The following C1QTNF1 variants were observed in gnomAD, a reference collection of about 807,000 sequenced individuals.
The protein encoded by C1QTNF1 is complement C1q tumor necrosis factor-related protein 1.
Under a neutral mutation model 27.8 loss-of-function variants are expected in C1QTNF1, and 22 were observed. That is an observed-to-expected ratio of 0.79 (90% CI 0.56 to 1.13). The LOEUF (loss-of-function observed/expected upper bound fraction) is 1.13. Among genes scored for constraint, C1QTNF1 ranks in the 50% most tolerant of loss-of-function variants. The pLI is 0.00. For synonymous variants in C1QTNF1, 166 were observed against 154.3 expected, an observed-to-expected ratio of 1.08 and a Z score of -0.56; for missense variants, 373 against 380.2, an observed-to-expected ratio of 0.98 and a Z score of 0.16.
rs1295838764 is a variant in C1QTNF1, at chr17:79,046,931, G to C, written c.295+237G>C. The C allele has an allele frequency of 1.6e-5, 9 of 566,574 alleles. No homozygotes were observed. The highest frequency in any genetic ancestry group is 1.6e-4 in the Admixed American group (5 of 31,596). The allele number at this position is 566,574 out of a possible 1,614,324, so 35.1% of individuals were successfully genotyped here. ...GGGGCCCACAGGACCAAGAGCAGGA[G>C]AGGGAGCCCAGAGGCTACTCGGGGT... On this transcript the variant is annotated intron_variant, in intron 3 of 3. Transcript: ENST00000579760. This position sits in a 1 kb window ranked among gnomAD's most constrained non-coding sequence, Gnocchi z 4.8.
At chr17:79,029,977 G>T (rs1318878520) in intron 1 of C1QTNF1, among the ~76,000 whole-genome samples, 1 of 152,184 alleles carries the variant, frequency 6.6e-6, no homozygotes, top group African/African-American at 2.4e-5. Context: ...ATGAGCAAAA[G>T]AGCGTGAGAC....
chr17:79,045,708 G>A (rs1477727827), intron 2 of C1QTNF1, among the ~76,000 whole-genome samples: 3 of 152,206 alleles, frequency 2.0e-5, no homozygotes, highest in African/African-American at 7.2e-5. Flanking sequence ...AAGGGATGGG[G>A]ACAGGGGTTT....
At chr17:79,042,199 C>T (rs1304010916) in intron 1 of C1QTNF1, among the ~76,000 whole-genome samples, 1 of 152,238 alleles carries the variant, frequency 6.6e-6, no homozygotes, top group Non-Finnish European at 1.5e-5. Context: ...TCGCTGTGCC[C>T]CTCGGTGGGG....
chr17:79,043,138 T>TG (rs202052627), intron 1 of C1QTNF1, among the ~76,000 whole-genome samples: 3,540 of 151,578 alleles, frequency 0.023, 114 homozygotes, highest in African/African-American at 0.081. Context: ...TGTGTGCATG[T>TG]TGGATTGCAT....
At chr17:79,028,970 C>A (rs968602736) in intron 1 of C1QTNF1, among the ~76,000 whole-genome samples, 3 of 151,888 alleles carry the variant, frequency 2.0e-5, no homozygotes, top group Non-Finnish European at 4.4e-5. Context: ...AATTAAACTC[C>A]GGTGGTGTAT....
intron 1 of C1QTNF1, among the ~76,000 whole-genome samples, chr17:79,038,502 T>C (rs1314292087): frequency 6.6e-6 from 1 of 151,848 alleles, no homozygotes; most frequent in Non-Finnish European, 1.5e-5. Flanking sequence ...GGAAGGAAAA[T>C]GGTCGCCGAA....
At chr17:79,037,170 G>A (rs1419587206) in intron 1 of C1QTNF1, among the ~76,000 whole-genome samples, 4 of 152,010 alleles carry the variant, frequency 2.6e-5, no homozygotes, top group African/African-American at 4.8e-5. Flanking sequence ...TCGCTCTGTC[G>A]CCAGGCTGGA....
chr17:79,043,908 G>A, intron 1 of C1QTNF1, 47 bp from the exon 2 acceptor site: 2 of 1,604,970 alleles, frequency 1.2e-6, no homozygotes. Flanking sequence ...TCTCTGTGCA[G>A]CTCCTTCCTA....
chr17:79,045,596 G>A (rs2072547661), intron 2 of C1QTNF1, among the ~76,000 whole-genome samples: 1 of 152,130 alleles, frequency 6.6e-6, no homozygotes, highest in African/African-American at 2.4e-5. Flanking sequence ...AGTTGTGCCA[G>A]GGGGTTGGCG....
At chr17:79,044,212 T>C in intron 2 of C1QTNF1, 89 bp downstream of exon 2, 2 of 1,383,498 alleles carry the variant, frequency 1.4e-6, no homozygotes, top group Admixed American at 2.8e-5. Context: ...GCTAGTTCAC[T>C]GTGAGATGTG....
chr17:79,039,696 C>T (rs2072351436), intron 1 of C1QTNF1, among the ~76,000 whole-genome samples: 1 of 151,742 alleles, frequency 6.6e-6, no homozygotes, highest in South Asian at 2.1e-4. Flanking sequence ...TTCAATGGTG[C>T]CAGGGTTGAG....
At chr17:79,043,732 T>TAC in intron 1 of C1QTNF1, 1 of 646,810 alleles carries the variant, frequency 1.5e-6, no homozygotes, top group African/African-American at 1.9e-5. Flanking sequence ...TGTGTGCATG[T>TAC]GCGTGTGTGC....
chr17:79,044,428 C>T (rs2072512880), intron 2 of C1QTNF1, among the ~76,000 whole-genome samples: 1 of 152,198 alleles, frequency 6.6e-6, no homozygotes, highest in Non-Finnish European at 1.5e-5. Flanking sequence ...AACCTGCCCT[C>T]CAGTTTGTCT....
intron 1 of C1QTNF1, among the ~76,000 whole-genome samples, chr17:79,042,876 G>C (rs2072450217): frequency 1.3e-5 from 2 of 152,200 alleles, no homozygotes; most frequent in Admixed American, 6.5e-5. Context: ...TGCATGAGTG[G>C]ATGTGCATGC....
At position 79,046,677 on chromosome 17, in the gene C1QTNF1, A is replaced by G; in HGVS notation, c.278A>G (p.Asn93Ser). 1.2e-6 allele frequency: 2 copies of G among 1,614,182 alleles called. No individual in the cohort carries two copies. The highest frequency in any genetic ancestry group is 2.2e-5 in the South Asian group (2 of 91,080). ...CCGGCGACCGCCGTGCCCCAGATCA[A>G]CATCACTATCTTGAAAGGTCAGATG... ...MYPATAVPQI[N>S]ITILKGEKGD... The change falls in exon 3 of 4, where the codon AAC (asparagine) becomes AGC (serine). Residue 93 changes from asparagine (N) to serine (S), a missense_variant. Transcript: ENST00000579760. The surrounding 1 kb of genome is among the most constrained non-coding windows in gnomAD (Gnocchi z 4.8).
Position 79,047,272 on chromosome 17 carries a change from GA to G in C1QTNF1, c.296-257del, listed in dbSNP as rs376423666. The G allele has an allele frequency of 1.9e-3, 704 of 369,586 alleles. 2 individuals are homozygous for G. The highest frequency in any genetic ancestry group is 0.013 in the East Asian group (339 of 25,750). 22.9% of individuals were successfully genotyped at this position (369,586 alleles called of 1,614,324 possible). On this transcript the variant is annotated intron_variant, in intron 3 of 3. Coordinates refer to ENST00000579760, the MANE Select transcript of C1QTNF1 (RefSeq NM_030968.5). ...TTTTTTTACCAGGGCTTTCCAGAAGGAAAAAAAAATTATTGCTTCTGGGCGA... is the reference window on the plus strand; with the variant it reads ...TTTTTTTACCAGGGCTTTCCAGAAGGAAAAAAAATTATTGCTTCTGGGCGA...
At chr17:79,047,311 C>T in intron 3 of C1QTNF1, 1 of 409,258 alleles carries the variant, frequency 2.4e-6, no homozygotes, top group African/African-American at 2.1e-5. Flanking sequence ...ATAGAACCAT[C>T]CTTGAGGTTG....
intron 1 of C1QTNF1, chr17:79,043,245 G>A: frequency 8.8e-6 from 4 of 453,902 alleles, no homozygotes; most frequent in Non-Finnish European, 1.8e-5. Flanking sequence ...TGTGATATGG[G>A]TATATGTATG....
intron 1 of C1QTNF1, among the ~76,000 whole-genome samples, chr17:79,040,092 G>C (rs574089436): frequency 6.6e-6 from 1 of 152,122 alleles, no homozygotes; most frequent in Non-Finnish European, 1.5e-5. Flanking sequence ...GCTAGGGGAC[G>C]TCCCAGCCCT....
Sources: gnomAD v4.1 joint callset for allele counts (sites outside exome capture counted in the v4.1 genomes callset) on GRCh38, gnomAD v4.1.1 for gene constraint, Gnocchi (gnomAD v3.1) non-coding constraint, MANE v1.5 for transcripts, NCBI Gene and HGNC (gene_info 2026-07-23, HGNC 2026-07-21) for gene names.